The following RGS6 variants were observed in gnomAD, a reference collection of about 807,000 sequenced individuals.
The protein encoded by RGS6 is regulator of G-protein signaling 6.
Under a neutral mutation model 78.5 loss-of-function variants are expected in RGS6, and 30 were observed. That is an observed-to-expected ratio of 0.38 (90% confidence interval 0.29 to 0.52). RGS6 has a LOEUF of 0.52. RGS6 is among the 20% of genes least tolerant of loss of function. RGS6 has a pLI of 0.85. For synonymous variants in RGS6, 206 were observed against 206.0 expected (o/e 1.00, Z 0.00); for missense variants, 495 against 609.7 (o/e 0.81, Z 1.98).
intron 1 of RGS6, among the ~76,000 whole-genome samples, chr14:71,939,190 C>A (rs1296580294): frequency 6.6e-6 from 1 of 152,144 alleles, no homozygotes; most frequent in Non-Finnish European, 1.5e-5. Flanking sequence ...AAGTGTTGTG[C>A]CTCTTTCTTG....
intron 1 of RGS6, among the ~76,000 whole-genome samples, chr14:71,937,148 A>G (rs2089593274): frequency 6.6e-6 from 1 of 152,242 alleles, no homozygotes; most frequent in South Asian, 2.1e-4. Flanking sequence ...GTCCAGGTCA[A>G]TCATGCCAGC....
intron 8 of RGS6, among the ~76,000 whole-genome samples, chr14:72,470,552 AG>A (rs1387255129): frequency 6.6e-6 from 1 of 152,288 alleles, no homozygotes; most frequent in African/African-American, 2.4e-5. Context: ...AGACAGTTGG[AG>A]TCCAAAATAT....
At chr14:72,416,613 T>C (rs2093829781) in intron 3 of RGS6, among the ~76,000 whole-genome samples, 1 of 152,158 alleles carries the variant, frequency 6.6e-6, no homozygotes, top group Non-Finnish European at 1.5e-5. Flanking sequence ...ACAACCCTTC[T>C]CAGGAAGTAG....
intron 2 of RGS6, among the ~76,000 whole-genome samples, chr14:72,011,718 A>C (rs531263824): frequency 6.6e-6 from 1 of 152,302 alleles, no homozygotes; most frequent in East Asian, 1.9e-4. Flanking sequence ...TTATATGAAA[A>C]TACTACACCA....
intron 3 of RGS6, among the ~76,000 whole-genome samples, chr14:72,408,635 G>T (rs1308179783): frequency 6.6e-6 from 1 of 152,172 alleles, no homozygotes; most frequent in Non-Finnish European, 1.5e-5. Context: ...TAGACCAAGA[G>T]TTTAGTTTCT....
the RGS6 span, among the ~76,000 whole-genome samples, chr14:71,913,216 A>G: frequency 6.6e-6 from 1 of 152,190 alleles, no homozygotes; most frequent in East Asian, 1.9e-4. Context: ...TGTATGTTAC[A>G]TATACATTTA....
intron 2 of RGS6, among the ~76,000 whole-genome samples, chr14:71,995,960 C>A (rs1459333936): frequency 6.6e-6 from 1 of 152,126 alleles, no homozygotes; most frequent in African/African-American, 2.4e-5. Context: ...TTTCTGCCTT[C>A]TGTGTTGTTT....
At chr14:71,994,706 G>A (rs923403089) in intron 2 of RGS6, among the ~76,000 whole-genome samples, 1 of 152,024 alleles carries the variant, frequency 6.6e-6, no homozygotes, top group Non-Finnish European at 1.5e-5. Flanking sequence ...CGAGAACATT[G>A]TGGAAAGATT....
chr14:72,537,285 C>G (rs930873099), intron 16 of RGS6, among the ~76,000 whole-genome samples: 1 of 152,214 alleles, frequency 6.6e-6, no homozygotes, highest in Non-Finnish European at 1.5e-5. Context: ...GCTGGGCTGC[C>G]TCTCAGCCAC....
At chr14:72,144,968 G>T (rs2096588814) in intron 2 of RGS6, among the ~76,000 whole-genome samples, 1 of 152,144 alleles carries the variant, frequency 6.6e-6, no homozygotes, top group Non-Finnish European at 1.5e-5. Flanking sequence ...AGGGGCTCAG[G>T]AAGCGAGGAG....
At chr14:72,059,098 C>G (rs1257869333) in intron 2 of RGS6, among the ~76,000 whole-genome samples, 1 of 152,078 alleles carries the variant, frequency 6.6e-6, no homozygotes, top group African/African-American at 2.4e-5. Context: ...CGGGGTTTTG[C>G]CATGTTAGCT....
intron 2 of RGS6, among the ~76,000 whole-genome samples, chr14:72,259,558 A>T (rs1012502116): frequency 6.6e-6 from 1 of 152,206 alleles, no homozygotes; most frequent in Non-Finnish European, 1.5e-5. Context: ...AAAAATGTAG[A>T]ATTAGAATAT....
chr14:72,161,326 T>C (rs1238478764), intron 2 of RGS6, among the ~76,000 whole-genome samples: 1 of 152,130 alleles, frequency 6.6e-6, no homozygotes, highest in Non-Finnish European at 1.5e-5. Context: ...ATGGCACGTG[T>C]ATACCTATGT....
intron 2 of RGS6, among the ~76,000 whole-genome samples, chr14:72,308,264 T>C (rs2067713281): frequency 6.6e-6 from 1 of 152,194 alleles, no homozygotes; most frequent in African/African-American, 2.4e-5. Flanking sequence ...GTAGTTCCCC[T>C]ACCGCAAATA....
intron 2 of RGS6, among the ~76,000 whole-genome samples, chr14:72,318,238 C>A (rs953078445): frequency 6.6e-6 from 1 of 152,170 alleles, no homozygotes; most frequent in African/African-American, 2.4e-5. Context: ...AGGAAGCATC[C>A]AGCACAGTAG....
chr14:72,110,749 AAAG>A (rs2095741196), intron 2 of RGS6, among the ~76,000 whole-genome samples: 1 of 152,150 alleles, frequency 6.6e-6, no homozygotes, highest in African/African-American at 2.4e-5. Flanking sequence ...TGTTTGGGGG[AAAG>A]AAGTTTTTGT....
intron 2 of RGS6, among the ~76,000 whole-genome samples, chr14:72,097,241 G>C (rs1288863108): frequency 6.6e-6 from 1 of 152,180 alleles, no homozygotes; most frequent in Non-Finnish European, 1.5e-5. Context: ...CCAACACTGA[G>C]CTTTGAGGTG....
intron 2 of RGS6, among the ~76,000 whole-genome samples, chr14:72,189,611 C>T (rs1007615215): frequency 1.3e-5 from 2 of 152,000 alleles, no homozygotes; most frequent in Non-Finnish European, 2.9e-5. Context: ...AGAACTTAGT[C>T]ATTACATACC....
intron 12 of RGS6, among the ~76,000 whole-genome samples, chr14:72,490,666 G>T (rs2096566654): frequency 6.6e-6 from 1 of 152,148 alleles, no homozygotes; most frequent in African/African-American, 2.4e-5. Context: ...ACTCAACCAA[G>T]AATTCAAACT....
Sources: allele counts gnomAD v4.1 joint callset (sites outside exome capture counted in the v4.1 genomes callset), GRCh38; gene constraint gnomAD v4.1.1; transcripts MANE v1.5; gene names NCBI Gene and HGNC (gene_info 2026-07-23, HGNC 2026-07-21).